The following CCDC136 variants were observed in gnomAD, a reference collection of about 807,000 sequenced individuals.
CCDC136 encodes coiled-coil domain containing 136.
In CCDC136, 100 loss-of-function variants were observed where a neutral mutation model predicts 141.2. The ratio of observed to expected loss-of-function variants is 0.71; its 90% CI spans 0.60 to 0.84. The LOEUF (loss-of-function observed/expected upper bound fraction) is 0.84, where lower values mean the gene tolerates loss of function less well. Ranked by LOEUF, CCDC136 falls within the 40% of genes least tolerant of loss-of-function variation. The probability of loss-of-function intolerance (pLI) is 0.00; values close to 1 mark genes in which losing one functional copy is unlikely to be tolerated. For synonymous variants in CCDC136, 474 were observed against 531.9 expected (o/e 0.89, Z 1.50); for missense variants, 1,206 against 1,379.4 (o/e 0.87, Z 1.99).
At position 128,814,924 on chromosome 7, in the gene CCDC136, G is replaced by C; in HGVS notation, c.3045+5G>C. ...AGCGACCTTGAGACCAGAAAGGTGA[G>C]TAGTAACCTTGGTAGCCAGATAAGC... On this transcript the variant is annotated splice_donor_5th_base_variant and intron_variant, in intron 15 of 17. Transcript: ENST00000297788. The C allele has an allele frequency of 6.4e-7, 1 of 1,570,560 alleles. No individual in the cohort carries two copies. The highest frequency in any genetic ancestry group is 8.7e-7 in the Non-Finnish European group (1 of 1,155,732).
intron 10 of CCDC136, 79 bp downstream of exon 10, chr7:128,807,624 A>G: frequency 9.8e-7 from 1 of 1,019,292 alleles, no homozygotes. Flanking sequence ...AAGTGAAGGC[A>G]CCCAACCCAA....
intron 3 of CCDC136, among the ~76,000 whole-genome samples, chr7:128,799,822 T>C (rs1048488119): frequency 6.6e-6 from 1 of 152,208 alleles, no homozygotes; most frequent in Non-Finnish European, 1.5e-5. Context: ...AAATCCTAAA[T>C]TCACTGTTGG....
intron 14 of CCDC136, 136 bp downstream of exon 14, chr7:128,813,065 C>G (rs1806034442): frequency 4.7e-6 from 3 of 635,890 alleles, no homozygotes; most frequent in Non-Finnish European, 5.5e-6. Flanking sequence ...TCTGCTCCAT[C>G]CCTGATGACA....
chr7:128,806,941 G>T, intron 9 of CCDC136, 83 bp downstream of exon 9: 1 of 1,415,570 alleles, frequency 7.1e-7, no homozygotes, highest in East Asian at 2.4e-5. Flanking sequence ...AGAGGGAATG[G>T]TAGGAGTGTG....
Position 128,807,505 on chromosome 7 carries a change from C to T in CCDC136, c.1565C>T (p.Ser522Phe). 3.3e-6 allele frequency: 5 copies of T among 1,513,932 alleles called. No individual in the cohort carries two copies. Among genetic ancestry groups the T allele is most frequent in the Non-Finnish European group, 4.4e-6 (5 of 1,127,494 alleles). The allele number at this position is 1,513,932 out of a possible 1,614,324, so 93.8% of individuals were successfully genotyped here. The part of the protein sequence containing the change: ...CQLELKELKA[S>F]HPIPEDKGKC... ...CTGGAGCTGAAAGAGCTCAAGGCCT[C>T]CCACCCCATTCCGGAGGACAAAGGA... is the stretch of plus-strand genomic sequence containing the variant. Residue 522 changes from serine (S) to phenylalanine (F), a missense_variant, in exon 10 of 18, where the codon TCC (serine) becomes TTC (phenylalanine). By Grantham distance (155) the Ser-to-Phe change is radical. Transcript: ENST00000297788.
Position 128,811,846 on chromosome 7 carries a change from A to G in CCDC136, c.2075A>G (p.Tyr692Cys), listed in dbSNP as rs537144539. 2.5e-6 allele frequency: 4 copies of G among 1,608,508 alleles called. No individual in the cohort carries two copies. The African/African-American group carries it at 4.0e-5, about 16-fold the overall frequency. ...CAGATGCAGGCCCTGCAGGTGATGT[A>G]TGACGCCGGTCAGGCGAAGCAGGAG... is the stretch of plus-strand genomic sequence containing the variant. Reference protein sequence around the residue: ...MEQMQALQVMYDAGQAKQELL... With the variant: ...MEQMQALQVMCDAGQAKQELL... The change falls in exon 13 of 18, where the codon TAT becomes TGT. Residue 692 changes from tyrosine (Y) to cysteine (C), a missense_variant. Coordinates refer to ENST00000297788, the MANE Select transcript of CCDC136 (RefSeq NM_022742.5).
rs1458583731 is a variant in CCDC136, at chr7:128,806,853, G to C, written c.1414G>C (p.Glu472Gln). 6.2e-7 allele frequency: 1 copy of C among 1,601,946 alleles called. No individual in the cohort carries two copies. Among genetic ancestry groups the C allele is most frequent in the Non-Finnish European group, 8.5e-7 (1 of 1,173,378 alleles). ...DTVASFKESN[E>Q]KDTETHAQLQ... ...GGTGGCCTCCTTCAAAGAGAGCAATGAGAAGGTAAAAGAAGCTCCTGGTGA... is the reference window on the plus strand; with the variant it reads ...GGTGGCCTCCTTCAAAGAGAGCAATCAGAAGGTAAAAGAAGCTCCTGGTGA... Residue 472 changes from glutamate (E) to glutamine (Q), a missense_variant, in exon 9 of 18, where the codon GAG (glutamate) becomes CAG (glutamine). Coordinates refer to ENST00000297788, the MANE Select transcript of CCDC136 (RefSeq NM_022742.5).
At chr7:128,791,247 G>A (rs1344496876), upstream of CCDC136, among the ~76,000 whole-genome samples, 1 of 151,626 alleles carries the variant, frequency 6.6e-6, no homozygotes, top group Non-Finnish European at 1.5e-5. This position sits in a 1 kb window ranked among gnomAD's most constrained non-coding sequence, Gnocchi z 7.1. Flanking sequence ...GCTCTCTAGG[G>A]GAGAGCCTTG....
intron 13 of CCDC136, 131 bp downstream of exon 13, chr7:128,812,443 A>T: frequency 1.9e-6 from 2 of 1,045,564 alleles, no homozygotes; most frequent in Non-Finnish European, 2.7e-6. Context: ...TATTGGAAGT[A>T]AGCGAAGCCC....
At chr7:128,813,838 T>C (rs183619288) in intron 14 of CCDC136, among the ~76,000 whole-genome samples, 48 of 152,088 alleles carry the variant, frequency 3.2e-4, no homozygotes, top group Non-Finnish European at 5.0e-4. Context: ...CAAAATTAGC[T>C]GGGCATGGTG....
rs952557423 is a variant in CCDC136, at chr7:128,813,413, A to G, written c.2763+484A>G. Among the ~76,000 whole-genome samples the G allele has an allele frequency of 2.0e-5, 3 of 152,288 alleles. 1 individual carries two copies. The South Asian group carries it at 6.2e-4, about 32-fold the overall frequency. On this transcript the variant is annotated intron_variant, in intron 14 of 17. Transcript: ENST00000297788. ...GTCTCTGGCCAGGGGTTCACGGTCC[A>G]GTGGGGGTCTCTTTGTATACACACG...
In CCDC136 at chr7:128,810,273, G is replaced by A. The variant is rs1305647089; in HGVS notation, c.1935G>A (p.Glu645=). The part of the protein sequence containing the change: ...VLKEQLEIHE[E]LRRFKESHFQ... ...AAGAACAATTAGAGATCCACGAAGAGCTGCGACGTTTCAAAGAGTCTCATT... is the reference window on the plus strand; with the variant it reads ...AAGAACAATTAGAGATCCACGAAGAACTGCGACGTTTCAAAGAGTCTCATT... The change falls in exon 12 of 18, where the codon GAG becomes GAA. Residue 645 remains glutamate (E), a synonymous_variant. Coordinates refer to ENST00000297788, the MANE Select transcript of CCDC136 (RefSeq NM_022742.5). 1 of 1,614,018 alleles carries A rather than the reference G, an allele frequency of 6.2e-7. No individual in the cohort carries two copies. The highest frequency in any genetic ancestry group is 1.7e-5 in the Admixed American group (1 of 60,030).
chr7:128,806,541 C>T (rs558163210), intron 8 of CCDC136, 146 bp downstream of exon 8: 31 of 1,039,786 alleles, frequency 3.0e-5, no homozygotes, highest in South Asian at 2.2e-4. Context: ...CAGCCCTGCT[C>T]GAGTACTACA....
Position 128,809,691 on chromosome 7 carries a change from G to A in CCDC136, c.1800+47G>A, listed in dbSNP as rs193162561. On this transcript the variant is annotated intron_variant, in intron 11 of 17. Coordinates refer to ENST00000297788, the MANE Select transcript of CCDC136 (RefSeq NM_022742.5). ...GCTAACTGCGGGGAAGCTGCTCTGAGAAGCTTCCCTGTGTGACTAGGGAAA... is the reference window on the plus strand; with the variant it reads ...GCTAACTGCGGGGAAGCTGCTCTGAAAAGCTTCCCTGTGTGACTAGGGAAA... 1,985 of 1,364,480 alleles carry A rather than the reference G, an allele frequency of 1.5e-3. 3 individuals carry two copies. Among genetic ancestry groups the A allele is most frequent in the Non-Finnish European group, 1.8e-3 (1,884 of 1,019,832 alleles). The allele number at this position is 1,364,480 out of a possible 1,614,324, so 84.5% of individuals were successfully genotyped here. A position where few individuals can be genotyped will look rare whatever the true frequency, so the allele number is the denominator to read the frequency against.
At position 128,812,701 on chromosome 7, in the gene CCDC136, C is replaced by A. The variant is rs761767865; in HGVS notation, c.2542-7C>A. 6.8e-6 allele frequency: 11 copies of A among 1,609,342 alleles called. No homozygotes were observed. The highest frequency in any genetic ancestry group is 1.9e-4 in the Middle Eastern group (1 of 5,174). On this transcript the variant is annotated splice_polypyrimidine_tract_variant and splice_region_variant and intron_variant, in intron 13 of 17. Transcript: ENST00000297788. The stretch of plus-strand genomic sequence containing the variant: ...GGGTGCTATTGTTGCTCCCCCACCC[C>A]CCGCAGCGCTTTGAGGAAATGGTTG...
rs1445204604 is a variant in CCDC136 at position 128,811,992 on chromosome 7, C to T, written c.2221C>T (p.Leu741Phe). Residue 741 changes from leucine to phenylalanine, a missense_variant, in exon 13 of 18, where the codon CTT becomes TTT. Coordinates refer to ENST00000297788, the MANE Select transcript of CCDC136 (RefSeq NM_022742.5). ...QVQSPSIKMS[L>F]ESYGKSYGSM... ...CCAGTCCCCTTCTATAAAAATGAGC[C>T]TTGAGTCCTACGGGAAGAGCTATGG... The T allele has an allele frequency of 3.7e-6, 6 of 1,613,848 alleles. No homozygotes were observed. The highest frequency in any genetic ancestry group is 5.1e-6 in the Non-Finnish European group (6 of 1,179,870).
chr7:128,792,837 C>T (rs1040155974), intron 1 of CCDC136, among the ~76,000 whole-genome samples: 1 of 152,236 alleles, frequency 6.6e-6, no homozygotes, highest in Non-Finnish European at 1.5e-5. Context: ...ACATTAACTT[C>T]GAATGGAAGC....
upstream of CCDC136, chr7:128,791,512 G>A: frequency 7.7e-7 from 1 of 1,295,754 alleles, no homozygotes; most frequent in Non-Finnish European, 9.7e-7. This position sits in a 1 kb window ranked among gnomAD's most constrained non-coding sequence, Gnocchi z 7.1. Context: ...GGGCGCCGGA[G>A]CCGGCGCGGG....
rs1241898107 is a variant in CCDC136 at position 128,806,761 on chromosome 7, A to G, written c.1322A>G (p.Glu441Gly). 4 of 1,611,584 alleles carry G rather than the reference A, an allele frequency of 2.5e-6. No homozygotes were observed. The African/African-American group carries it at 5.3e-5, about 22-fold the overall frequency. ...ACATGTGAGAAGGAAAAGCTGCTGG[A>G]ACGGCAGCAGCAGCTGCAGGAGGAG... Reference protein sequence around the residue: ...NVTCEKEKLLERQQQLQEELQ... With the variant: ...NVTCEKEKLLGRQQQLQEELQ... Residue 441 changes from glutamate (E) to glycine (G), a missense_variant, in exon 9 of 18, where the codon GAA becomes GGA. Physicochemically the swap from Glu to Gly is moderately conservative, Grantham distance 98. Coordinates refer to ENST00000297788, the MANE Select transcript of CCDC136 (RefSeq NM_022742.5).
Sources: gnomAD v4.1 joint callset for allele counts (sites outside exome capture counted in the v4.1 genomes callset) on GRCh38, gnomAD v4.1.1 for gene constraint, Gnocchi (gnomAD v3.1) non-coding constraint, MANE v1.5 for transcripts, NCBI Gene and HGNC (gene_info 2026-07-23, HGNC 2026-07-21) for gene names.